PRKCZ: variants seen among roughly 807,000 people sequenced by gnomAD.
The protein encoded by PRKCZ is protein kinase C zeta, also known as protein kinase C zeta type.
A neutral mutation model predicts 79.5 loss-of-function variants in PRKCZ; 33 were observed. That is an observed-to-expected ratio of 0.41 (90% CI 0.31 to 0.55). The LOEUF is 0.55. Ranked by LOEUF, PRKCZ falls within the 20% of genes least tolerant of loss-of-function variation. The probability of loss-of-function intolerance (pLI) is 0.19; values close to 1 mark genes in which losing one functional copy is unlikely to be tolerated. For missense variants in PRKCZ, 578 were observed against 813.5 expected (o/e 0.71, Z 3.52); for synonymous variants, 342 against 320.9 (o/e 1.07, Z -0.70).
chr1:2,169,545 C>T lies in PRKCZ; in HGVS notation c.1002C>T (p.Asn334=), dbSNP rs545237484. The T allele has an allele frequency of 2.2e-4, 335 of 1,545,016 alleles. 5 individuals carry two copies. In the South Asian group the frequency reaches 3.1e-3, roughly 14 times the overall value. ...TGTTCCTGGTCATTGAGTACGTCAA[C>T]GGCGGGGACCTGATGTTCCACATGC... ...SRLFLVIEYV[N]GGDLMFHMQR... is the part of the protein sequence containing the mutation. Residue 334 remains asparagine (N), a synonymous_variant, in exon 11 of 18, where the codon AAC becomes AAT. Coordinates refer to ENST00000378567, the MANE Select transcript of PRKCZ (RefSeq NM_002744.6).
intron 5 of PRKCZ, among the ~76,000 whole-genome samples, chr1:2,140,746 A>G (rs1283838850): frequency 6.6e-6 from 1 of 152,236 alleles, no homozygotes; most frequent in Admixed American, 6.5e-5. Flanking sequence ...GAGCGGGCAG[A>G]TCACCTGAGG....
At chr1:2,135,014 C>G in intron 4 of PRKCZ, 2 of 363,422 alleles carry the variant, frequency 5.5e-6, no homozygotes, top group South Asian at 7.5e-5. Flanking sequence ...GTCCGCCCTG[C>G]GAGGACACCT....
chr1:2,091,319 G>A (rs986764705), intron 4 of PRKCZ, among the ~76,000 whole-genome samples: 1 of 152,208 alleles, frequency 6.6e-6, no homozygotes, highest in African/African-American at 2.4e-5. Flanking sequence ...TTATAGAAGT[G>A]AGCCACCGCG....
At chr1:2,101,337 C>T (rs1463912492) in intron 4 of PRKCZ, among the ~76,000 whole-genome samples, 4 of 152,138 alleles carry the variant, frequency 2.6e-5, no homozygotes, top group Non-Finnish European at 5.9e-5. Context: ...GGGAGGCCAG[C>T]GGGCATCTCC....
intron 3 of PRKCZ, among the ~76,000 whole-genome samples, chr1:2,058,092 C>T (rs1250826143): frequency 1.3e-5 from 2 of 152,206 alleles, no homozygotes; most frequent in Non-Finnish European, 2.9e-5. Flanking sequence ...TGGTCTCGAT[C>T]TCCTGACCTC....
intron 16 of PRKCZ, among the ~76,000 whole-genome samples, chr1:2,183,260 G>A (rs766261759): frequency 5.3e-5 from 8 of 152,116 alleles, no homozygotes; most frequent in Non-Finnish European, 1.0e-4. Flanking sequence ...GCTGGGCATG[G>A]TGGTGCATGC....
intron 5 of PRKCZ, 40 bp downstream of exon 5, chr1:2,135,387 T>C: frequency 6.5e-7 from 1 of 1,530,864 alleles, no homozygotes; most frequent in South Asian, 1.2e-5. Flanking sequence ...AAGGGGCCTT[T>C]TGTTACTTTT....
rs58866862 is a variant in PRKCZ at position 2,121,547 on chromosome 1, A to G, written c.335-13715A>G. On this transcript the variant is annotated intron_variant, in intron 4 of 17. Coordinates refer to ENST00000378567, the MANE Select transcript of PRKCZ (RefSeq NM_002744.6). ...TCATGGCAGTAGTTAGGGTTATATCAGTAGTTAGGGCTATGGCTGTAGTTA... is the reference window on the plus strand; with the variant it reads ...TCATGGCAGTAGTTAGGGTTATATCGGTAGTTAGGGCTATGGCTGTAGTTA... Among the ~76,000 whole-genome samples, 62 of 12,096 alleles carry G rather than the reference A, an allele frequency of 5.1e-3. 3 individuals carry two copies. The highest frequency in any genetic ancestry group is 0.029 in the Middle Eastern group (1 of 34). The allele number at this position is 12,096 out of a possible 152,430, so 7.9% of individuals were successfully genotyped here.
chr1:2,151,816 C>A (rs1277603466), intron 9 of PRKCZ, among the ~76,000 whole-genome samples: 1 of 152,040 alleles, frequency 6.6e-6, no homozygotes, highest in African/African-American at 2.4e-5. Flanking sequence ...CCACCACCCC[C>A]AGCTGTATAA....
At position 2,149,134 on chromosome 1, in the gene PRKCZ, G is replaced by A. The variant is rs2103193606; in HGVS notation, c.687+210G>A. ...CCTTGATGAATACCTGCAGGCAGCT[G>A]TCCCCGCAGGTGGTCTGGGGACCAC... is the stretch of plus-strand genomic sequence containing the variant. On this transcript the variant is annotated intron_variant, in intron 8 of 17. Coordinates refer to ENST00000378567, the MANE Select transcript of PRKCZ (RefSeq NM_002744.6). The surrounding 1 kb of genome is among the most constrained non-coding windows in gnomAD (Gnocchi z 4.1). Among the ~76,000 whole-genome samples the A allele has an allele frequency of 6.6e-6, 1 of 152,350 alleles. No homozygotes were observed. The highest frequency in any genetic ancestry group is 1.9e-4 in the East Asian group (1 of 5,186).
chr1:2,059,581 G>C lies in PRKCZ; in HGVS notation c.324G>C (p.Pro108=). 1 of 1,614,192 alleles carries C rather than the reference G, an allele frequency of 6.2e-7. No individual in the cohort carries two copies. Among genetic ancestry groups the C allele is most frequent in the Non-Finnish European group, 8.5e-7 (1 of 1,180,016 alleles). The change falls in exon 4 of 18, where the codon CCG becomes CCC. Residue 108 remains proline (P), a synonymous_variant. Coordinates refer to ENST00000378567, the MANE Select transcript of PRKCZ (RefSeq NM_002744.6). ...STPEQPGLPC[P]GEDKSIYRRG... ...CTGAGCAGCCTGGCCTGCCATGTCC[G>C]GGAGAAGACAGTGAGTACTGGGGTT...
intron 10 of PRKCZ, among the ~76,000 whole-genome samples, chr1:2,167,692 C>A (rs1356792616): frequency 6.6e-6 from 1 of 152,154 alleles, no homozygotes; most frequent in Non-Finnish European, 1.5e-5. Flanking sequence ...CAGCCTGTGC[C>A]TCCTGGGTTC....
At chr1:2,175,727 G>A (rs1006016953) in intron 16 of PRKCZ, among the ~76,000 whole-genome samples, 7 of 152,032 alleles carry the variant, frequency 4.6e-5, no homozygotes, top group Non-Finnish European at 8.8e-5. Context: ...GGGAATGGGG[G>A]ACCACCCTCC....
rs1321603341 is a variant in PRKCZ at position 2,178,706 on chromosome 1, C to T, written c.1575+3393C>T. Among the ~76,000 whole-genome samples, 1 of 152,194 alleles carries T rather than the reference C, an allele frequency of 6.6e-6. No homozygotes were observed. Among genetic ancestry groups the T allele is most frequent in the Non-Finnish European group, 1.5e-5 (1 of 68,036 alleles). On this transcript the variant is annotated intron_variant, in intron 16 of 17. Transcript: ENST00000378567. This position sits in a 1 kb window ranked among gnomAD's most constrained non-coding sequence, Gnocchi z 4.3. Reference sequence around the variant, plus strand: ...CCTCAGTCTGTGCTGGACTTAGTTCCATGGCTGTAGTGGGCACAGCTTGAG... The same window carrying T: ...CCTCAGTCTGTGCTGGACTTAGTTCTATGGCTGTAGTGGGCACAGCTTGAG...
chr1:2,058,991 C>T (rs557346327), intron 3 of PRKCZ, among the ~76,000 whole-genome samples: 9 of 152,164 alleles, frequency 5.9e-5, no homozygotes, highest in African/African-American at 1.9e-4. Flanking sequence ...GATGGGGTTT[C>T]GTCATGTTGG....
intron 16 of PRKCZ, 133 bp downstream of exon 16, chr1:2,175,446 C>T: frequency 2.8e-6 from 2 of 716,506 alleles, no homozygotes; most frequent in Non-Finnish European, 4.6e-6. Context: ...ATATCCATCC[C>T]AACCCCAAAT....
chr1:2,087,502 C>T (rs1170285580), intron 4 of PRKCZ, among the ~76,000 whole-genome samples: 2 of 152,144 alleles, frequency 1.3e-5, no homozygotes, highest in Non-Finnish European at 2.9e-5. Flanking sequence ...GATGGCATCC[C>T]GAGGTGCCAG....
chr1:2,129,936 T>C (rs1674631375), intron 4 of PRKCZ, among the ~76,000 whole-genome samples: 1 of 152,184 alleles, frequency 6.6e-6, no homozygotes, highest in Non-Finnish European at 1.5e-5. Context: ...AGGGTCTGGC[T>C]TTGTTGCCCA....
At chr1:2,180,838 C>T (rs370213956) in intron 16 of PRKCZ, among the ~76,000 whole-genome samples, 6 of 152,124 alleles carry the variant, frequency 3.9e-5, no homozygotes, top group African/African-American at 9.7e-5. Context: ...GCCCTGCATC[C>T]GGTGGCAGGG....
Sources: allele counts gnomAD v4.1 joint callset (sites outside exome capture counted in the v4.1 genomes callset), GRCh38; gene constraint gnomAD v4.1.1; non-coding constraint Gnocchi (gnomAD v3.1); transcripts MANE v1.5; gene names NCBI Gene and HGNC (gene_info 2026-07-23, HGNC 2026-07-21).